SCN2A: variants seen among roughly 807,000 people sequenced by gnomAD.
SCN2A encodes the protein sodium voltage-gated channel alpha subunit 2, also known as sodium channel protein type 2 subunit alpha.
In SCN2A, 20 loss-of-function variants were observed where a neutral mutation model predicts 188.7. That is an observed-to-expected ratio of 0.11 (90% CI 0.07 to 0.15). The LOEUF is 0.15. Ranked by LOEUF, SCN2A falls within the 10% of genes least tolerant of loss-of-function variation. SCN2A has a pLI of 1.00. For missense variants in SCN2A, 1,278 were observed against 2,445.0 expected (o/e 0.52, Z 10.07); for synonymous variants, 804 against 833.1 (o/e 0.97, Z 0.60).
intron 11 of SCN2A, among the ~76,000 whole-genome samples, chr2:165,320,083 A>G (rs1697992138): frequency 6.6e-6 from 1 of 152,244 alleles, no homozygotes; most frequent in South Asian, 2.1e-4. Context: ...CCTAGATACA[A>G]TAGGGATACA....
At chr2:165,305,076 G>A (rs1222186090) in intron 3 of SCN2A, among the ~76,000 whole-genome samples, 2 of 152,086 alleles carry the variant, frequency 1.3e-5, no homozygotes, top group African/African-American at 4.8e-5. Context: ...AGTGATATGG[G>A]GATGGAAAAA....
At chr2:165,328,036 C>CA (rs1367471495) in intron 13 of SCN2A, 1 of 151,964 alleles carries the variant, frequency 6.6e-6, no homozygotes, top group Non-Finnish European at 1.5e-5. Flanking sequence ...AGAATGAAAG[C>CA]AAAAGAGAGC....
chr2:165,312,091 A>G lies in SCN2A; in HGVS notation c.1034+3A>G, dbSNP rs1321604873. The G allele has an allele frequency of 1.2e-6, 2 of 1,610,902 alleles. No homozygotes were observed. Among genetic ancestry groups the G allele is most frequent in the African/African-American group, 1.3e-5 (1 of 74,938 alleles). ...TGTGGCAACAGCTCAGATGCAGGGT[A>G]AGTGATGCTTCCTACTGAGTTTCAG... On this transcript the variant is annotated splice_donor_region_variant and intron_variant, in intron 8 of 26. Transcript: ENST00000375437.
At chr2:165,246,821 T>C (rs945642173) in intron 1 of SCN2A, among the ~76,000 whole-genome samples, 5 of 152,138 alleles carry the variant, frequency 3.3e-5, no homozygotes, top group African/African-American at 4.8e-5. Context: ...CCTAGATTGA[T>C]GCCCAGCAAC....
chr2:165,376,907 A>G (rs1226796026), intron 22 of SCN2A, among the ~76,000 whole-genome samples: 1 of 150,866 alleles, frequency 6.6e-6, no homozygotes, highest in African/African-American at 2.4e-5. Flanking sequence ...ATCCACTTAC[A>G]CGATCCTCAA....
At chr2:165,327,141 A>C in intron 13 of SCN2A, 157 bp downstream of exon 13, 1 of 915,106 alleles carries the variant, frequency 1.1e-6, no homozygotes, top group East Asian at 2.8e-5. Flanking sequence ...CATGGATTCT[A>C]TTATCTTCCA....
chr2:165,332,767 T>C (rs1483830473), intron 14 of SCN2A, among the ~76,000 whole-genome samples: 1 of 151,960 alleles, frequency 6.6e-6, no homozygotes, highest in Non-Finnish European at 1.5e-5. Context: ...GTGATCCAAA[T>C]TGAATGAGCT....
intron 4 of SCN2A, among the ~76,000 whole-genome samples, chr2:165,308,289 G>GTA (rs534986140): frequency 6.6e-6 from 1 of 151,948 alleles, no homozygotes; most frequent in Non-Finnish European, 1.5e-5. Context: ...TGTGTTACTA[G>GTA]TATATGTTTG....
intron 12 of SCN2A, among the ~76,000 whole-genome samples, chr2:165,324,977 TAG>T (rs375940900): frequency 1.0e-3 from 153 of 152,338 alleles, no homozygotes; most frequent in African/African-American, 3.6e-3. Context: ...TTCTTAAAAC[TAG>T]AGATTCCTGT....
chr2:165,294,039 G>GTTT, intron 1 of SCN2A: 1 of 273,624 alleles, frequency 3.7e-6, no homozygotes, highest in Non-Finnish European at 4.4e-6. Flanking sequence ...AAAAAAAAAA[G>GTTT]ATTTTTTTTT....
chr2:165,304,527 A>C (rs1349197663), intron 3 of SCN2A, among the ~76,000 whole-genome samples: 2 of 152,272 alleles, frequency 1.3e-5, no homozygotes, highest in African/African-American at 4.8e-5. Context: ...GTGAAATAGC[A>C]AGGCTATAAT....
chr2:165,323,616 G>A, intron 12 of SCN2A, 116 bp downstream of exon 12: 1 of 978,898 alleles, frequency 1.0e-6, no homozygotes, highest in Non-Finnish European at 1.6e-6. Flanking sequence ...AAGGCTGGGA[G>A]TTTGTTCAAT....
chr2:165,310,792 C>T (rs1697382793), intron 7 of SCN2A, 197 bp downstream of exon 7: 2 of 349,488 alleles, frequency 5.7e-6, no homozygotes, highest in South Asian at 1.3e-4. Context: ...TAAAAGTTCT[C>T]ATTTGAAAAT....
At chr2:165,295,695 G>A in intron 1 of SCN2A, 78 bp from the exon 2 acceptor site, 1 of 1,331,828 alleles carries the variant, frequency 7.5e-7, no homozygotes, top group Non-Finnish European at 1.1e-6. Flanking sequence ...CTGTATCTCA[G>A]TGCTCAGTGT....
Position 165,374,966 on chromosome 2 carries a change from A to G in SCN2A, c.4254A>G (p.Val1418=), listed in dbSNP as rs200415183. The G allele has an allele frequency of 5.6e-6, 9 of 1,611,776 alleles. No individual in the cohort carries two copies. Among genetic ancestry groups the G allele is most frequent in the African/African-American group, 1.3e-5 (1 of 74,994 alleles). Residue 1418 remains valine, a splice_region_variant and synonymous_variant, in exon 22 of 27, where the codon GTA becomes GTG. Coordinates refer to ENST00000375437, the MANE Select transcript of SCN2A (RefSeq NM_001040142.2). The stretch of plus-strand genomic sequence containing the variant: ...TTGGATATCTGTCTCTACTTCAAGT[A>G]GTAAGTAATCACTTTATTATTTTCC... The part of the protein sequence containing the change: ...VGLGYLSLLQ[V]ATFKGWMDIM...
At chr2:165,281,559 G>C (rs936665787) in intron 1 of SCN2A, among the ~76,000 whole-genome samples, 3 of 151,948 alleles carry the variant, frequency 2.0e-5, no homozygotes, top group African/African-American at 7.3e-5. Flanking sequence ...AGGAAGTGAG[G>C]GGGGTGGGCA....
chr2:165,285,796 C>T (rs894341740), intron 1 of SCN2A: 4 of 162,770 alleles, frequency 2.5e-5, no homozygotes, highest in African/African-American at 9.6e-5. Flanking sequence ...TTAAAAAATC[C>T]TGGTGTGGGC....
chr2:165,248,139 C>G (rs1194641735), intron 1 of SCN2A, among the ~76,000 whole-genome samples: 1 of 152,138 alleles, frequency 6.6e-6, no homozygotes, highest in Non-Finnish European at 1.5e-5. Flanking sequence ...CCTTAATTTC[C>G]TAATTGGACT....
intron 1 of SCN2A, chr2:165,285,901 G>C: frequency 9.0e-6 from 2 of 222,020 alleles, no homozygotes; most frequent in South Asian, 1.6e-4. Context: ...ACTTCAGAAA[G>C]CTAAGGAACA....
Sources: allele counts gnomAD v4.1 joint callset (sites outside exome capture counted in the v4.1 genomes callset), GRCh38; gene constraint gnomAD v4.1.1; transcripts MANE v1.5; gene names NCBI Gene and HGNC (gene_info 2026-07-23, HGNC 2026-07-21).